CCDC85A: variants seen among roughly 807,000 people sequenced by gnomAD.
CCDC85A encodes the protein coiled-coil domain-containing protein 85A.
CCDC85A carries 38 observed loss-of-function variants against 50.2 expected under a neutral mutation model. That is an observed-to-expected ratio of 0.76 (90% confidence interval 0.58 to 0.99). The LOEUF is 0.99. Ranked by LOEUF, CCDC85A falls within the 50% of genes least tolerant of loss-of-function variation. The pLI, the probability that CCDC85A is intolerant of heterozygous loss-of-function variation, is 0.00. For synonymous variants in CCDC85A, 366 were observed against 301.4 expected, an observed-to-expected ratio of 1.21 and a Z score of -2.22; for missense variants, 820 against 742.0, an observed-to-expected ratio of 1.11 and a Z score of -1.22.
rs189540873 is a variant in CCDC85A at position 56,355,898 on chromosome 2, A to G, written c.1317+12943A>G. Reference sequence around the variant, plus strand: ...ATATTTGACAGATAACAAATAACCAATAAACCCAGGACCAGATGGGAGCCA... The same window carrying G: ...ATATTTGACAGATAACAAATAACCAGTAAACCCAGGACCAGATGGGAGCCA... On this transcript the variant is annotated intron_variant, in intron 3 of 5. Transcript: ENST00000407595. 2.7e-3 allele frequency among the ~76,000 whole-genome samples: 409 copies of G among 152,340 alleles called. 4 individuals are homozygous for G. Among genetic ancestry groups the G allele is most frequent in the Non-Finnish European group, 3.5e-3 (241 of 68,030 alleles).
chr2:56,271,147 TCTC>T (rs1392582677), intron 2 of CCDC85A, among the ~76,000 whole-genome samples: 1 of 152,164 alleles, frequency 6.6e-6, no homozygotes. Flanking sequence ...CTATGTCACT[TCTC>T]CTGTAGGATT....
chr2:56,367,985 A>AAAGTCATGCAGCTCT (rs1553418706), intron 3 of CCDC85A, among the ~76,000 whole-genome samples: 1 of 63,214 alleles, frequency 1.6e-5, no homozygotes, highest in Non-Finnish European at 4.4e-5. Flanking sequence ...CATGCAGCTC[A>AAAGTCATGCAGCTCT]TAAGTGTCAG....
intron 2 of CCDC85A, among the ~76,000 whole-genome samples, chr2:56,240,688 A>G (rs533539769): frequency 6.6e-6 from 1 of 152,262 alleles, no homozygotes; most frequent in Non-Finnish European, 1.5e-5. Context: ...CATACTTAGC[A>G]TGATGTTTTT....
At chr2:56,363,934 G>C (rs906049525) in intron 3 of CCDC85A, among the ~76,000 whole-genome samples, 8 of 152,156 alleles carry the variant, frequency 5.3e-5, no homozygotes, top group Admixed American at 3.9e-4. Flanking sequence ...AAAGTATTCA[G>C]ATATGTTCTC....
intron 1 of CCDC85A, among the ~76,000 whole-genome samples, chr2:56,185,946 C>T (rs991452176): frequency 6.6e-6 from 1 of 152,208 alleles, no homozygotes; most frequent in African/African-American, 2.4e-5. Context: ...AAGGCACAAG[C>T]TGTTCTTTTC....
At chr2:56,303,967 G>T (rs1672320081) in intron 2 of CCDC85A, among the ~76,000 whole-genome samples, 1 of 152,158 alleles carries the variant, frequency 6.6e-6, no homozygotes, top group South Asian at 2.1e-4. Context: ...AAAGCCAGAA[G>T]GATCTGTGAA....
chr2:56,223,422 G>C (rs1273954003), intron 2 of CCDC85A, among the ~76,000 whole-genome samples: 1 of 152,124 alleles, frequency 6.6e-6, no homozygotes, highest in Non-Finnish European at 1.5e-5. Flanking sequence ...CAGCCACCAG[G>C]TTGAATTTGG....
intron 3 of CCDC85A, among the ~76,000 whole-genome samples, chr2:56,343,785 G>A (rs1248665558): frequency 3.3e-5 from 5 of 152,034 alleles, no homozygotes; most frequent in Non-Finnish European, 7.4e-5. Flanking sequence ...AATGACTAAG[G>A]CAAAATTATA....
rs1003994630 is a variant in CCDC85A, at chr2:56,376,402, C to G, written c.1572+467C>G. ...GAAATAAATAAAAACCTACTCTTTC[C>G]TCTTCTAAGTAGAAATTGGGTTCTC... On this transcript the variant is annotated intron_variant, in intron 5 of 5. Transcript: ENST00000407595. 4.6e-5 allele frequency among the ~76,000 whole-genome samples: 7 copies of G among 152,132 alleles called. No homozygotes were observed. In the East Asian group the frequency reaches 1.3e-3, roughly 29 times the overall value.
chr2:56,249,636 T>G (rs1397306771), intron 2 of CCDC85A, among the ~76,000 whole-genome samples: 1 of 152,222 alleles, frequency 6.6e-6, no homozygotes, highest in African/African-American at 2.4e-5. Flanking sequence ...TTGTTACATA[T>G]CAGTTTTCTC....
chr2:56,244,738 T>G (rs886249645), intron 2 of CCDC85A, among the ~76,000 whole-genome samples: 2 of 151,972 alleles, frequency 1.3e-5, no homozygotes, highest in Admixed American at 1.3e-4. Context: ...ACTTGGTTAC[T>G]GCTGCTAATT....
chr2:56,229,701 A>G (rs17268695), intron 2 of CCDC85A, among the ~76,000 whole-genome samples: 3,026 of 152,244 alleles, frequency 0.02, 51 homozygotes, highest in South Asian at 0.047. Flanking sequence ...ATATTGAAGC[A>G]TAGTCAAAAC....
chr2:56,211,294 G>A (rs1031736628), intron 2 of CCDC85A, among the ~76,000 whole-genome samples: 1 of 152,092 alleles, frequency 6.6e-6, no homozygotes, highest in African/African-American at 2.4e-5. Flanking sequence ...ACTGAAGTAT[G>A]AGTCATGCTC....
chr2:56,289,426 G>T (rs1358607217), intron 2 of CCDC85A, among the ~76,000 whole-genome samples: 8 of 152,166 alleles, frequency 5.3e-5, no homozygotes. Context: ...CTCATGAAAG[G>T]CATCTGAGCC....
At chr2:56,381,705 A>C (rs1254596925) in intron 5 of CCDC85A, among the ~76,000 whole-genome samples, 2 of 152,068 alleles carry the variant, frequency 1.3e-5, no homozygotes, top group Non-Finnish European at 2.9e-5. Flanking sequence ...CATGGTTCTT[A>C]ATGCCAGAAT....
At position 56,350,254 on chromosome 2, in the gene CCDC85A, C is replaced by A. The variant is rs1353486098; in HGVS notation, c.1317+7299C>A. On this transcript the variant is annotated intron_variant, in intron 3 of 5. Transcript: ENST00000407595. Reference sequence around the variant, plus strand: ...CTACCTTGGCTCACTGCAACCTCCACCTCCTGGGTTTTAAGCAATTCTCCT... The same window carrying A: ...CTACCTTGGCTCACTGCAACCTCCAACTCCTGGGTTTTAAGCAATTCTCCT... Among the ~76,000 whole-genome samples, 5 of 151,750 alleles carry A rather than the reference C, an allele frequency of 3.3e-5. No homozygotes were observed. The East Asian group carries it at 9.8e-4, about 30-fold the overall frequency.
chr2:56,261,505 T>A (rs1021472133), intron 2 of CCDC85A, among the ~76,000 whole-genome samples: 1 of 152,186 alleles, frequency 6.6e-6, no homozygotes, highest in African/African-American at 2.4e-5. Flanking sequence ...AGTATCACTT[T>A]GGTTGTATTC....
intron 2 of CCDC85A, among the ~76,000 whole-genome samples, chr2:56,260,130 T>C (rs1045736355): frequency 3.9e-5 from 6 of 152,182 alleles, no homozygotes; most frequent in Admixed American, 3.9e-4. Flanking sequence ...GGAAGACTGA[T>C]GGGAACCAGA....
intron 2 of CCDC85A, among the ~76,000 whole-genome samples, chr2:56,338,398 A>T (rs951286999): frequency 6.6e-6 from 1 of 152,142 alleles, no homozygotes; most frequent in Non-Finnish European, 1.5e-5. Flanking sequence ...ACACCCTTGA[A>T]AAAGGACAAA....
Sources: allele counts gnomAD v4.1 joint callset (sites outside exome capture counted in the v4.1 genomes callset), GRCh38; gene constraint gnomAD v4.1.1; transcripts MANE v1.5; gene names NCBI Gene and HGNC (gene_info 2026-07-23, HGNC 2026-07-21).